COPB2: variants seen among roughly 807,000 people sequenced by gnomAD.
The protein encoded by COPB2 is coat protein complex I subunit beta 2.
COPB2 carries 16 observed loss-of-function variants against 120.8 expected under a neutral mutation model. The ratio of observed to expected loss-of-function variants is 0.13; its 90% CI spans 0.09 to 0.20. The LOEUF (loss-of-function observed/expected upper bound fraction) is 0.20. Ranked by LOEUF, COPB2 falls within the 10% of genes least tolerant of loss-of-function variation. The pLI is 1.00. For missense variants in COPB2, 794 were observed against 1,076.5 expected (o/e 0.74, Z 3.67); for synonymous variants, 332 against 366.3 (o/e 0.91, Z 1.07).
chr3:139,377,863 AT>A (rs1941742886), intron 5 of COPB2, among the ~76,000 whole-genome samples, 177 bp downstream of exon 5: 1 of 152,202 alleles, frequency 6.6e-6, no homozygotes, highest in Admixed American at 6.5e-5. Flanking sequence ...TTGCCACAAT[AT>A]TTTTCTAAAC....
At chr3:139,384,465 C>T (rs551821562) in intron 1 of COPB2, among the ~76,000 whole-genome samples, 79 of 152,306 alleles carry the variant, frequency 5.2e-4, no homozygotes, top group African/African-American at 1.8e-3. Flanking sequence ...GCAAGAAATA[C>T]TGTCAGGGAC....
At chr3:139,366,968 A>C (rs1177398645) in intron 14 of COPB2, 47 bp downstream of exon 14, 1 of 1,583,978 alleles carries the variant, frequency 6.3e-7, no homozygotes, top group Admixed American at 1.8e-5. Flanking sequence ...AGATTTTTCT[A>C]AACACACTTT....
chr3:139,374,316 TGA>T, intron 7 of COPB2, 171 bp downstream of exon 7: 2 of 563,838 alleles, frequency 3.5e-6, no homozygotes, highest in Non-Finnish European at 6.3e-6. Flanking sequence ...ATGATGATGA[TGA>T]TGATGATGAT....
chr3:139,374,146 A>G (rs1436131571), intron 7 of COPB2: 3 of 406,534 alleles, frequency 7.4e-6, no homozygotes, highest in Non-Finnish European at 1.3e-5. Flanking sequence ...TCCATTTCAT[A>G]ATTTGCCCAA....
chr3:139,377,458 T>C (rs1291137345), intron 5 of COPB2, among the ~76,000 whole-genome samples: 1 of 152,206 alleles, frequency 6.6e-6, no homozygotes, highest in Non-Finnish European at 1.5e-5. Flanking sequence ...TTCAATGAAG[T>C]AAGGTTTTGT....
At chr3:139,371,501 TG>T (rs1440547802) in intron 10 of COPB2, among the ~76,000 whole-genome samples, 1 of 152,214 alleles carries the variant, frequency 6.6e-6, no homozygotes, top group Admixed American at 6.5e-5. Flanking sequence ...ATGGAATTAT[TG>T]TATCAGCTTG....
In COPB2 at chr3:139,358,787, TC is replaced by T; in HGVS notation, c.2509del (p.Glu837LysfsTer44). ...VTPNEERNVM[E>X]EGKDFQPSRS... ...TGAGGGCTGAAAGTCTTTTCCCTCT[TC>T]CATGACATTTCTCTCTTCATTTGGC... On this transcript the variant is annotated frameshift_variant, in exon 20 of 22. Coordinates refer to ENST00000333188, the MANE Select transcript of COPB2 (RefSeq NM_004766.3). LOFTEE classifies it high-confidence loss of function. The T allele has an allele frequency of 6.2e-7, 1 of 1,613,140 alleles. No homozygotes were observed. Among genetic ancestry groups the T allele is most frequent in the Non-Finnish European group, 8.5e-7 (1 of 1,179,154 alleles).
chr3:139,358,971 A>AT (rs780662453), intron 19 of COPB2, 27 bp downstream of exon 19: 25 of 1,605,454 alleles, frequency 1.6e-5, no homozygotes, highest in Non-Finnish European at 2.0e-5. Flanking sequence ...GTTACAATAA[A>AT]TGAAGCTTGA....
intron 8 of COPB2, 78 bp from the exon 9 acceptor site, chr3:139,373,490 C>A: frequency 6.5e-7 from 1 of 1,541,928 alleles, no homozygotes; most frequent in Non-Finnish European, 8.9e-7. Context: ...ATTTTTTTCA[C>A]CTAACAGAGA....
intron 14 of COPB2, 56 bp from the exon 15 acceptor site, chr3:139,366,831 A>C: frequency 6.4e-7 from 1 of 1,560,534 alleles, no homozygotes; most frequent in Non-Finnish European, 8.8e-7. Context: ...ACACAAACAC[A>C]CACCCCGCCA....
At chr3:139,373,886 G>A (rs1282817908) in intron 7 of COPB2, 78 bp from the exon 8 acceptor site, 1 of 1,548,338 alleles carries the variant, frequency 6.5e-7, no homozygotes, top group Non-Finnish European at 8.8e-7. Context: ...GAGACCCATA[G>A]AAGTCTTTCT....
intron 16 of COPB2, among the ~76,000 whole-genome samples, chr3:139,361,683 ATAT>A (rs2107797238): frequency 6.6e-6 from 1 of 152,348 alleles, no homozygotes; most frequent in African/African-American, 2.4e-5. Flanking sequence ...TTTCACAATA[ATAT>A]TATGTCTCAC....
At chr3:139,363,349 A>T (rs1289282120) in intron 15 of COPB2, among the ~76,000 whole-genome samples, 2 of 152,014 alleles carry the variant, frequency 1.3e-5, no homozygotes, top group Non-Finnish European at 2.9e-5. Context: ...TTAGATTCTC[A>T]TAGGAGCATG....
At position 139,374,427 on chromosome 3, in the gene COPB2, C is replaced by T. The variant is rs553501422; in HGVS notation, c.751+62G>A. 2.8e-5 allele frequency: 37 copies of T among 1,298,992 alleles called. No individual in the cohort carries two copies. In the African/African-American group the frequency reaches 3.1e-4, roughly 11 times the overall value. The allele number at this position is 1,298,992 out of a possible 1,614,324, so 80.5% of individuals were successfully genotyped here. On this transcript the variant is annotated intron_variant, in intron 7 of 21. Coordinates refer to ENST00000333188, the MANE Select transcript of COPB2 (RefSeq NM_004766.3). ...CTACAATTATAATGCAGAGACATTA[C>T]TTGCTTTAAATGCCCACTGAGTAGT... is the stretch of plus-strand genomic sequence containing the variant.
intron 16 of COPB2, 39 bp downstream of exon 16, chr3:139,362,367 CT>C: frequency 1.4e-6 from 2 of 1,434,596 alleles, no homozygotes; most frequent in Non-Finnish European, 9.7e-7. Context: ...TACCTACTGA[CT>C]TTTCCATCAG....
intron 3 of COPB2, 62 bp downstream of exon 3, chr3:139,379,318 A>C: frequency 6.3e-7 from 1 of 1,579,308 alleles, no homozygotes; most frequent in Non-Finnish European, 8.7e-7. Flanking sequence ...ATCCTGCAAC[A>C]AATTTACACA....
intron 13 of COPB2, 78 bp from the exon 14 acceptor site, chr3:139,367,223 G>A: frequency 1.4e-6 from 2 of 1,461,556 alleles, no homozygotes; most frequent in South Asian, 2.6e-5. Context: ...ATATCTGAGG[G>A]TGATATGGCA....
At chr3:139,360,146 T>C (rs893769917) in intron 17 of COPB2, among the ~76,000 whole-genome samples, 5 of 150,132 alleles carry the variant, frequency 3.3e-5, no homozygotes, top group Non-Finnish European at 7.4e-5. Flanking sequence ...TTCACATACA[T>C]ACAATGGGGT....
chr3:139,389,298 GCAAGCGCCA>G (rs994385074), intron 1 of COPB2, among the ~76,000 whole-genome samples: 1 of 152,212 alleles, frequency 6.6e-6, no homozygotes, highest in African/African-American at 2.4e-5. Context: ...AGGAGCTCTG[GCAAGCGCCA>G]CAAGCGCCAG....
Sources: gnomAD v4.1 joint callset for allele counts (sites outside exome capture counted in the v4.1 genomes callset) on GRCh38, gnomAD v4.1.1 for gene constraint, MANE v1.5 for transcripts, NCBI Gene and HGNC (gene_info 2026-07-23, HGNC 2026-07-21) for gene names.